Variants in AGBL1 observed in about 807,000 individuals in gnomAD.
The protein encoded by AGBL1 is AGBL carboxypeptidase 1.
In AGBL1, 130 loss-of-function variants were observed where a neutral mutation model predicts 118.9. The observed-to-expected ratio is 1.09, with a 90% CI of 0.95 to 1.26. AGBL1 has a LOEUF of 1.26. AGBL1 is among the 50% of genes most tolerant of loss of function. The probability of loss-of-function intolerance (pLI) is 0.00; values close to 1 mark genes in which losing one functional copy is unlikely to be tolerated. For synonymous variants in AGBL1, 555 were observed against 478.9 expected, an observed-to-expected ratio of 1.16 and a Z score of -2.08; for missense variants, 1,584 against 1,298.1, an observed-to-expected ratio of 1.22 and a Z score of -3.38.
At chr15:86,445,558 C>T (rs2082110937) in intron 18 of AGBL1, among the ~76,000 whole-genome samples, 1 of 152,212 alleles carries the variant, frequency 6.6e-6, no homozygotes, top group Admixed American at 6.5e-5. Flanking sequence ...ATGCCCTGCT[C>T]CATAGAAAAT....
chr15:86,607,879 G>A (rs1006480312), intron 21 of AGBL1, among the ~76,000 whole-genome samples: 1 of 152,136 alleles, frequency 6.6e-6, no homozygotes, highest in African/African-American at 2.4e-5. Flanking sequence ...GCTGGGGTAA[G>A]GAAAGTCTAG....
chr15:86,902,195 A>G (rs920663569), intron 22 of AGBL1, among the ~76,000 whole-genome samples: 4 of 152,192 alleles, frequency 2.6e-5, no homozygotes, highest in Non-Finnish European at 5.9e-5. Flanking sequence ...CTAACAAACT[A>G]CATTCCAGAA....
chr15:87,023,930 A>C lies in AGBL1; in HGVS notation c.3324-4895A>C, dbSNP rs556799459. On this transcript the variant is annotated intron_variant, in intron 24 of 24. Coordinates refer to the AGBL1 transcript ENST00000441037. ...AAAATGAAAATTAAAAAATTCTTTG[A>C]ACTGAATGACAATAGTGACACAACC... Among the ~76,000 whole-genome samples the C allele has an allele frequency of 2.0e-5, 3 of 152,160 alleles. No homozygotes were observed. The South Asian group carries it at 6.2e-4, about 32-fold the overall frequency.
chr15:86,616,039 C>T (rs1044739340), intron 21 of AGBL1, among the ~76,000 whole-genome samples: 17 of 152,082 alleles, frequency 1.1e-4, no homozygotes, highest in Admixed American at 9.8e-4. Flanking sequence ...TGTCACAATA[C>T]AATAAAATGA....
chr15:86,779,410 T>G (rs1368797169), intron 22 of AGBL1, among the ~76,000 whole-genome samples: 1 of 152,246 alleles, frequency 6.6e-6, no homozygotes, highest in Non-Finnish European at 1.5e-5. Flanking sequence ...AGTATTCCAT[T>G]GTGTGAATAT....
intron 21 of AGBL1, among the ~76,000 whole-genome samples, chr15:86,657,207 G>C (rs1007212694): frequency 1.3e-5 from 2 of 152,124 alleles, no homozygotes; most frequent in Admixed American, 1.3e-4. Flanking sequence ...ATTTCATGAA[G>C]TGGGAGCTGA....
At chr15:86,218,826 C>T (rs991707346) in intron 5 of AGBL1, among the ~76,000 whole-genome samples, 7 of 152,130 alleles carry the variant, frequency 4.6e-5, no homozygotes, top group African/African-American at 1.4e-4. Context: ...TTACCAAGAA[C>T]CTGTTTGAGT....
chr15:86,240,993 C>T (rs947526648), intron 6 of AGBL1, among the ~76,000 whole-genome samples: 16 of 152,092 alleles, frequency 1.1e-4, no homozygotes, highest in Admixed American at 2.6e-4. Flanking sequence ...AGACTCAATA[C>T]GTGTACATTT....
intron 22 of AGBL1, among the ~76,000 whole-genome samples, chr15:86,862,106 A>G (rs571922968): frequency 6.6e-6 from 1 of 152,316 alleles, no homozygotes; most frequent in East Asian, 1.9e-4. Context: ...TTGGAATAAC[A>G]ACAGTACCTA....
At chr15:86,787,512 A>C (rs6496364) in intron 22 of AGBL1, among the ~76,000 whole-genome samples, 16,165 of 152,174 alleles carry the variant, frequency 0.11, 957 homozygotes, top group South Asian at 0.16. Context: ...TATAAGTGAA[A>C]TCATGCAGTA....
intron 18 of AGBL1, among the ~76,000 whole-genome samples, chr15:86,474,553 T>G (rs1419050667): frequency 6.6e-6 from 1 of 152,132 alleles, no homozygotes; most frequent in Non-Finnish European, 1.5e-5. Flanking sequence ...TGCTGAGGCT[T>G]GAGTAGGTAA....
At chr15:86,553,298 T>G (rs1033902749) in intron 20 of AGBL1, among the ~76,000 whole-genome samples, 3 of 152,218 alleles carry the variant, frequency 2.0e-5, no homozygotes, top group African/African-American at 7.2e-5. Context: ...CTATCAACTC[T>G]GAGTCATTGT....
chr15:86,317,832 T>A (rs2080039833), intron 17 of AGBL1, among the ~76,000 whole-genome samples: 1 of 152,146 alleles, frequency 6.6e-6, no homozygotes, highest in Non-Finnish European at 1.5e-5. Context: ...ATTTATAAAA[T>A]AGGAATGGGC....
chr15:86,946,136 T>C (rs2080817580), intron 23 of AGBL1: 1 of 152,226 alleles, frequency 6.6e-6, no homozygotes, highest in Non-Finnish European at 1.5e-5. Flanking sequence ...GACAGCAACC[T>C]AGGTTCATCC....
At chr15:86,646,188 G>C (rs1483433436) in intron 21 of AGBL1, among the ~76,000 whole-genome samples, 3 of 152,130 alleles carry the variant, frequency 2.0e-5, no homozygotes, top group Non-Finnish European at 4.4e-5. Flanking sequence ...ATATGCATCA[G>C]GGCAGAAGGG....
At chr15:86,862,075 T>C (rs1038194940) in intron 22 of AGBL1, among the ~76,000 whole-genome samples, 2 of 152,136 alleles carry the variant, frequency 1.3e-5, no homozygotes, top group African/African-American at 2.4e-5. Flanking sequence ...CTCTATAGCA[T>C]TGCTTTCTCA....
chr15:86,819,166 GTATT>G (rs971267894), intron 22 of AGBL1, among the ~76,000 whole-genome samples: 1 of 151,992 alleles, frequency 6.6e-6, no homozygotes, highest in African/African-American at 2.4e-5. Context: ...ACACTGAAGG[GTATT>G]TGTTTGTATG....
intron 17 of AGBL1, among the ~76,000 whole-genome samples, chr15:86,349,044 C>T (rs989781727): frequency 6.6e-6 from 1 of 152,138 alleles, no homozygotes; most frequent in Middle Eastern, 3.4e-3. Context: ...GAAAAGATGG[C>T]AATGTGAAGA....
intron 18 of AGBL1, among the ~76,000 whole-genome samples, chr15:86,466,611 T>C (rs1293579887): frequency 6.6e-6 from 1 of 152,270 alleles, no homozygotes; most frequent in Admixed American, 6.5e-5. Context: ...TGTGCTGATT[T>C]TTCCTCATTG....
Sources: allele counts gnomAD v4.1 joint callset (sites outside exome capture counted in the v4.1 genomes callset), GRCh38; gene constraint gnomAD v4.1.1; transcripts MANE v1.5; gene names NCBI Gene and HGNC (gene_info 2026-07-23, HGNC 2026-07-21).